The following ZNF585B variants were observed in gnomAD, a reference collection of about 807,000 sequenced individuals.
The protein encoded by ZNF585B is zinc finger protein 41-like protein.
ZNF585B carries 7 observed loss-of-function variants against 14.0 expected under a neutral mutation model. That is an observed-to-expected ratio of 0.50 (90% confidence interval 0.28 to 0.94). The LOEUF is 0.94. Among genes scored for constraint, ZNF585B ranks in the 40% least tolerant of loss-of-function variants. The probability of loss-of-function intolerance (pLI) is 0.09; values close to 1 mark genes in which losing one functional copy is unlikely to be tolerated. For synonymous variants in ZNF585B, 290 were observed against 317.3 expected, an observed-to-expected ratio of 0.91 and a Z score of 0.91; for missense variants, 750 against 924.4, an observed-to-expected ratio of 0.81 and a Z score of 2.45.
rs1409318498 is a variant in ZNF585B, at chr19:37,182,647, C to T, written c.*2580G>A. The T allele has an allele frequency of 1.3e-5, 2 of 152,200 alleles. No homozygotes were observed. The highest frequency in any genetic ancestry group is 2.1e-4 in the South Asian group (1 of 4,826). 9.4% of individuals were successfully genotyped at this position (152,200 alleles called of 1,614,324 possible). On this transcript the variant is annotated 3_prime_UTR_variant, in exon 5 of 5. Transcript: ENST00000532828. ...TCTAAGGTGAGGTAATGGGATGTGT[C>T]ACCAAGCACTGCCCAACTAGGGCTT...
In ZNF585B at chr19:37,185,561, T is replaced by C; in HGVS notation, c.1976A>G (p.Glu659Gly). Residue 659 changes from glutamate (E) to glycine (G), a missense_variant, in exon 5 of 5, where the codon GAA becomes GGA. By Grantham distance (98) the Glu-to-Gly change is moderately conservative. Around this residue, in one of 2 missense-constraint regions of ZNF585B, gnomAD observed 233 missense variants for 354.1 expected, o/e 0.66. Transcript: ENST00000532828. ...ACATTCAGAACAAATGTAGGGCTTT[T>C]CTCCGGTATGAGTTTTCTGGTGCTT... Reference protein sequence around the residue: ...LSKHQKTHTGEKPYICSECGK... With the variant: ...LSKHQKTHTGGKPYICSECGK... The C allele has an allele frequency of 1.2e-6, 2 of 1,613,568 alleles. No individual in the cohort carries two copies. The highest frequency in any genetic ancestry group is 1.7e-6 in the Non-Finnish European group (2 of 1,179,866).
At chr19:37,189,618 G>A (rs1972377048) in intron 4 of ZNF585B, 43 bp downstream of exon 4, 4 of 1,606,260 alleles carry the variant, frequency 2.5e-6, no homozygotes, top group Non-Finnish European at 3.4e-6. Context: ...ATTTCCTCCT[G>A]TCTCCCATCT....
Position 37,187,069 on chromosome 19 carries a change from T to A in ZNF585B, c.468A>T (p.Lys156Asn). ...TCCCACATTCAATACATACATAGAGTTTTTCTCCTGTAGGAACTTTCAGAT... is the reference window on the plus strand; with the variant it reads ...TCCCACATTCAATACATACATAGAGATTTTCTCCTGTAGGAACTTTCAGAT... ...KVHLKVPTGE[K>N]LYVCIECGRA... The change falls in exon 5 of 5, where the codon AAA becomes AAT. Residue 156 changes from lysine to asparagine, a missense_variant. Around this residue, in one of 2 missense-constraint regions of ZNF585B, gnomAD observed 517 missense variants for 570.3 expected, o/e 0.91. Transcript: ENST00000532828. 1 of 1,613,512 alleles carries A rather than the reference T, an allele frequency of 6.2e-7. No individual in the cohort carries two copies. The highest frequency in any genetic ancestry group is 1.1e-5 in the South Asian group (1 of 90,918).
rs764426403 is a variant in ZNF585B at position 37,186,672 on chromosome 19, G to A, written c.865C>T (p.Arg289Ter). Residue 289 changes from arginine (R) to a stop codon, truncating the protein, a stop_gained, in exon 5 of 5, where the codon CGA becomes TGA. Transcript: ENST00000532828. LOFTEE classifies it low-confidence loss of function (END_TRUNC). ...GGTTTTTCTCCACTATGAATTCTTCGGTGTGCAATCAATTGTGTTTTCTGG... is the reference window on the plus strand; with the variant it reads ...GGTTTTTCTCCACTATGAATTCTTCAGTGTGCAATCAATTGTGTTTTCTGG... The part of the protein sequence containing the change: ...FIQKTQLIAH[R>*]RIHSGEKPYE... 21 of 1,613,954 alleles carry A rather than the reference G, an allele frequency of 1.3e-5. No homozygotes were observed. The highest frequency in any genetic ancestry group is 7.7e-5 in the South Asian group (7 of 91,084).
chr19:37,190,570 G>GT (rs907695894), intron 2 of ZNF585B: 9 of 149,820 alleles, frequency 6.0e-5, no homozygotes, highest in Non-Finnish European at 9.9e-5. Flanking sequence ...TTTTGTTTTT[G>GT]TTTTTTTTCC....
chr19:37,204,001 T>A (rs1328073000), intron 2 of ZNF585B, among the ~76,000 whole-genome samples: 1 of 152,244 alleles, frequency 6.6e-6, no homozygotes, highest in East Asian at 1.9e-4. Context: ...CAAAGATTTA[T>A]ATTTTTTATC....
intron 2 of ZNF585B, among the ~76,000 whole-genome samples, chr19:37,200,583 C>T (rs934377702): frequency 4.8e-5 from 7 of 144,390 alleles, no homozygotes; most frequent in African/African-American, 1.8e-4. Context: ...CAAAAGGTGG[C>T]AAAGACAAGT....
intron 2 of ZNF585B, chr19:37,190,391 A>C (rs1972387316): frequency 2.7e-6 from 1 of 367,660 alleles, no homozygotes; most frequent in Non-Finnish European, 4.9e-6. Flanking sequence ...GATTACAGGC[A>C]CGTGCCACCA....
Position 37,185,749 on chromosome 19 carries a change from A to G in ZNF585B, c.1788T>C (p.His596=). Residue 596 remains histidine (H), a synonymous_variant, in exon 5 of 5, where the codon CAT becomes CAC. Transcript: ENST00000532828. ...GCTTCTCTCCAGTATGAATTCTTTG[A>G]TGAGTAATAAAGTTTGACTTGCGGA... is the stretch of plus-strand genomic sequence containing the variant. ...AFIRKSNFIT[H]QRIHTGEKPY... 3 of 1,599,764 alleles carry G rather than the reference A, an allele frequency of 1.9e-6. No homozygotes were observed. The highest frequency in any genetic ancestry group is 2.2e-5 in the South Asian group (2 of 89,790).
intron 2 of ZNF585B, among the ~76,000 whole-genome samples, chr19:37,196,642 G>A (rs1972468085): frequency 6.6e-6 from 1 of 151,944 alleles, no homozygotes; most frequent in African/African-American, 2.4e-5. Flanking sequence ...CTCTTCCTCA[G>A]CCTCCTTAAC....
At chr19:37,198,852 G>T in intron 2 of ZNF585B, 1 of 650,094 alleles carries the variant, frequency 1.5e-6, no homozygotes, top group Non-Finnish European at 2.5e-6. Flanking sequence ...TCAGGGGAGG[G>T]TATGAGCATG....
At chr19:37,209,992 G>C (rs1328335589) in intron 1 of ZNF585B, among the ~76,000 whole-genome samples, 1 of 151,944 alleles carries the variant, frequency 6.6e-6, no homozygotes, top group Non-Finnish European at 1.5e-5. Context: ...TGGGATTACA[G>C]GTTTGAGCCA....
intron 1 of ZNF585B, among the ~76,000 whole-genome samples, chr19:37,209,723 C>CTT (rs755649009): frequency 0.023 from 2,692 of 117,950 alleles, 82 homozygotes; most frequent in Non-Finnish European, 0.033. Context: ...AAGTGCACTT[C>CTT]TTTTTTTTTT....
At position 37,182,601 on chromosome 19, in the gene ZNF585B, T is replaced by C. The variant is rs553871865; in HGVS notation, c.*2626A>G. The C allele has an allele frequency of 2.0e-5, 3 of 152,212 alleles. No individual in the cohort carries two copies. Among genetic ancestry groups the C allele is most frequent in the Non-Finnish European group, 4.4e-5 (3 of 68,054 alleles). 9.4% of individuals were successfully genotyped at this position (152,212 alleles called of 1,614,324 possible). On this transcript the variant is annotated 3_prime_UTR_variant, in exon 5 of 5. Coordinates refer to ENST00000532828, the MANE Select transcript of ZNF585B (RefSeq NM_152279.4). ...TGAAGAAGTGAGGAAGCAGAGCTAA[T>C]GATGGCTCAGTAGACATTGATCTAA... is the stretch of plus-strand genomic sequence containing the variant.
intron 2 of ZNF585B, among the ~76,000 whole-genome samples, chr19:37,192,984 A>C (rs1039690431): frequency 6.6e-6 from 1 of 151,778 alleles, no homozygotes; most frequent in Non-Finnish European, 1.5e-5. Flanking sequence ...AGATACAAAA[A>C]ATTAGCTGGG....
At chr19:37,195,593 TTAGA>T (rs1373124886) in intron 2 of ZNF585B, among the ~76,000 whole-genome samples, 1 of 151,948 alleles carries the variant, frequency 6.6e-6, no homozygotes, top group African/African-American at 2.4e-5. Flanking sequence ...AAACACTTAT[TTAGA>T]TAAACTAAAT....
At chr19:37,196,227 C>A (rs747783326) in intron 2 of ZNF585B, among the ~76,000 whole-genome samples, 5 of 152,142 alleles carry the variant, frequency 3.3e-5, no homozygotes, top group Non-Finnish European at 5.9e-5. Flanking sequence ...AACAAAATAT[C>A]AGCAAACAAT....
At chr19:37,207,772 G>A (rs1972600492) in intron 1 of ZNF585B, among the ~76,000 whole-genome samples, 1 of 152,082 alleles carries the variant, frequency 6.6e-6, no homozygotes, top group Admixed American at 6.6e-5. Flanking sequence ...CAATTACCAT[G>A]CACTATATTA....
In ZNF585B at chr19:37,186,274, C is replaced by G; in HGVS notation, c.1263G>C (p.Arg421=). Residue 421 remains arginine, a synonymous_variant, in exon 5 of 5, where the codon CGG becomes CGC. Transcript: ENST00000532828. ...TTTGATGTGTAATCAAGTGTGCCTT[C>G]CGGATGAAGGCCAGTCCACATTTCA... ...ICMKCGLAFI[R]KAHLITHQII... 1 of 1,614,058 alleles carries G rather than the reference C, an allele frequency of 6.2e-7. No individual in the cohort carries two copies. Among genetic ancestry groups the G allele is most frequent in the Non-Finnish European group, 8.5e-7 (1 of 1,179,956 alleles).
Sources: gnomAD v4.1 joint callset for allele counts (sites outside exome capture counted in the v4.1 genomes callset) on GRCh38, gnomAD v4.1.1 for gene constraint, gnomAD v4.1.1 regional missense constraint, MANE v1.5 for transcripts, NCBI Gene and HGNC (gene_info 2026-07-23, HGNC 2026-07-21) for gene names.